The following MSH3 variants were observed in gnomAD, a reference collection of about 807,000 sequenced individuals.
MSH3 encodes DNA mismatch repair protein Msh3.
MSH3 carries 106 observed loss-of-function variants against 123.3 expected under a neutral mutation model. That is an observed-to-expected ratio of 0.86 (90% CI 0.73 to 1.01). The LOEUF (loss-of-function observed/expected upper bound fraction) is 1.01, where lower values mean the gene tolerates loss of function less well. MSH3 is among the 50% of genes least tolerant of loss of function. MSH3 has a pLI of 0.00. For missense variants in MSH3, 1,459 were observed against 1,347.6 expected, an observed-to-expected ratio of 1.08 and a Z score of -1.29; for synonymous variants, 515 against 481.4, an observed-to-expected ratio of 1.07 and a Z score of -0.91.
intron 20 of MSH3, among the ~76,000 whole-genome samples, chr5:80,847,858 A>G (rs1210349705): frequency 2.6e-5 from 4 of 152,148 alleles, no homozygotes; most frequent in African/African-American, 7.2e-5. Context: ...TTTTAAATCT[A>G]TTTGTTTGTA....
At chr5:80,846,734 G>A (rs1003440054) in intron 20 of MSH3, among the ~76,000 whole-genome samples, 2 of 152,230 alleles carry the variant, frequency 1.3e-5, no homozygotes, top group African/African-American at 4.8e-5. Flanking sequence ...GCATGGGAGG[G>A]TATCTCCTGG....
intron 19 of MSH3, among the ~76,000 whole-genome samples, chr5:80,796,936 A>T (rs183595375): frequency 1.3e-5 from 2 of 152,148 alleles, no homozygotes; most frequent in East Asian, 3.9e-4. Flanking sequence ...TTTTGAATTC[A>T]TACTTCACAC....
At chr5:80,840,969 A>G (rs1246782628) in intron 20 of MSH3, among the ~76,000 whole-genome samples, 3 of 151,520 alleles carry the variant, frequency 2.0e-5, no homozygotes, top group African/African-American at 7.3e-5. Context: ...GGTTTGTTAC[A>G]TATGTATACA....
chr5:80,660,340 A>T (rs1749405140), intron 2 of MSH3, among the ~76,000 whole-genome samples: 1 of 152,178 alleles, frequency 6.6e-6, no homozygotes, highest in Admixed American at 6.5e-5. Context: ...AGATTTCATG[A>T]GACTTATTCA....
At chr5:80,750,426 T>C (rs1246980210) in intron 12 of MSH3, among the ~76,000 whole-genome samples, 1 of 152,130 alleles carries the variant, frequency 6.6e-6, no homozygotes, top group Admixed American at 6.6e-5. Context: ...TAAAAACTAA[T>C]CTGAAAGGAG....
intron 12 of MSH3, among the ~76,000 whole-genome samples, chr5:80,750,936 G>T (rs978033028): frequency 9.2e-5 from 14 of 152,122 alleles, no homozygotes; most frequent in Admixed American, 9.2e-4. Flanking sequence ...TATCTTCGGA[G>T]AGGTTTTATT....
chr5:80,699,015 G>A (rs1026837971), intron 8 of MSH3, among the ~76,000 whole-genome samples: 6 of 152,076 alleles, frequency 3.9e-5, no homozygotes, highest in African/African-American at 7.2e-5. Context: ...GTGAGAAAGC[G>A]GCATTACACA....
At chr5:80,740,360 C>CTT (rs747484860) in intron 10 of MSH3, among the ~76,000 whole-genome samples, 66 of 142,204 alleles carry the variant, frequency 4.6e-4, no homozygotes, top group Middle Eastern at 3.6e-3. Context: ...TTTCTTTTCT[C>CTT]TTTTTTTTTT....
chr5:80,795,364 A>G (rs1242296452), intron 19 of MSH3, among the ~76,000 whole-genome samples: 2 of 152,190 alleles, frequency 1.3e-5, no homozygotes, highest in African/African-American at 4.8e-5. Flanking sequence ...AACAACAGAA[A>G]TTTATTCCTC....
At chr5:80,821,494 T>G (rs577365849) in intron 20 of MSH3, among the ~76,000 whole-genome samples, 7 of 152,360 alleles carry the variant, frequency 4.6e-5, no homozygotes, top group Admixed American at 2.6e-4. Flanking sequence ...ACTGATCCCA[T>G]ATTTCAAAAT....
At chr5:80,815,703 A>G (rs1279828472) in intron 20 of MSH3, among the ~76,000 whole-genome samples, 2 of 152,120 alleles carry the variant, frequency 1.3e-5, no homozygotes, top group East Asian at 3.9e-4. Context: ...TTTTTAGGAC[A>G]TAGTAGGTTT....
At chr5:80,849,546 T>C (rs1745793180) in intron 20 of MSH3, among the ~76,000 whole-genome samples, 1 of 152,158 alleles carries the variant, frequency 6.6e-6, no homozygotes, top group South Asian at 2.1e-4. Flanking sequence ...GTTCTTGACT[T>C]TTGTGTACCT....
At chr5:80,775,065 C>T (rs954724847) in intron 15 of MSH3, among the ~76,000 whole-genome samples, 1 of 151,870 alleles carries the variant, frequency 6.6e-6, no homozygotes, top group African/African-American at 2.4e-5. Flanking sequence ...TCTCATGTAA[C>T]CAATAAATAT....
chr5:80,726,604 C>T (rs1423223864), intron 9 of MSH3, among the ~76,000 whole-genome samples: 2 of 152,146 alleles, frequency 1.3e-5, no homozygotes, highest in Non-Finnish European at 2.9e-5. Context: ...GTAGCTGAGA[C>T]TACAGGCGTG....
At chr5:80,689,161 A>G (rs555172165) in intron 8 of MSH3, among the ~76,000 whole-genome samples, 2 of 152,300 alleles carry the variant, frequency 1.3e-5, no homozygotes, top group Middle Eastern at 3.4e-3. Context: ...GTAGCCTGCA[A>G]CAGAATGTAG....
chr5:80,789,368 C>CT (rs554381029), intron 18 of MSH3, among the ~76,000 whole-genome samples: 6,591 of 139,090 alleles, frequency 0.047, 166 homozygotes, highest in Middle Eastern at 0.063. Context: ...ACTGTAGTCA[C>CT]TTTTTTTTTT....
chr5:80,714,601 A>G (rs955488052), intron 8 of MSH3, among the ~76,000 whole-genome samples: 1 of 152,206 alleles, frequency 6.6e-6, no homozygotes, highest in Non-Finnish European at 1.5e-5. Context: ...GATGAATTTA[A>G]CATTCTTGTA....
chr5:80,827,360 C>G (rs534434809), intron 20 of MSH3, among the ~76,000 whole-genome samples: 35 of 152,324 alleles, frequency 2.3e-4, no homozygotes, highest in African/African-American at 7.2e-4. Flanking sequence ...CTCAGAGTGG[C>G]ACGAGTGTGT....
chr5:80,845,694 G>A (rs190089334), intron 20 of MSH3, among the ~76,000 whole-genome samples: 27 of 152,072 alleles, frequency 1.8e-4, no homozygotes, highest in African/African-American at 3.6e-4. Context: ...TGGTCAAATC[G>A]GCTATTGAAG....
Sources: gnomAD v4.1 joint callset for allele counts (sites outside exome capture counted in the v4.1 genomes callset) on GRCh38, gnomAD v4.1.1 for gene constraint, MANE v1.5 for transcripts, NCBI Gene and HGNC (gene_info 2026-07-23, HGNC 2026-07-21) for gene names.